The following SLIT3 variants were observed in gnomAD, a reference collection of about 807,000 sequenced individuals.
SLIT3 encodes slit guidance ligand 3.
Under a neutral mutation model 184.0 loss-of-function variants are expected in SLIT3, and 68 were observed. The ratio of observed to expected loss-of-function variants is 0.37; its 90% CI spans 0.30 to 0.45. SLIT3 has a LOEUF of 0.45. Ranked by LOEUF, SLIT3 falls within the 20% of genes least tolerant of loss-of-function variation. The probability of loss-of-function intolerance (pLI) is 1.00; values close to 1 mark genes in which losing one functional copy is unlikely to be tolerated. For synonymous variants in SLIT3, 831 were observed against 828.6 expected (o/e 1.00, Z -0.05); for missense variants, 1,707 against 2,026.0 (o/e 0.84, Z 3.02).
intron 5 of SLIT3, among the ~76,000 whole-genome samples, chr5:168,847,538 A>G (rs1758514530): frequency 6.6e-6 from 1 of 152,240 alleles, no homozygotes; most frequent in South Asian, 2.1e-4. Context: ...AAAAAGCCCA[A>G]TTAATTGTCC....
intron 12 of SLIT3, among the ~76,000 whole-genome samples, chr5:168,777,748 AAAT>A (rs927103874): frequency 6.6e-6 from 1 of 152,050 alleles, no homozygotes; most frequent in Non-Finnish European, 1.5e-5. Flanking sequence ...GGGAGAGATA[AAAT>A]TAAGCTGCTT....
At chr5:169,140,732 C>T (rs1163154625) in intron 4 of SLIT3, among the ~76,000 whole-genome samples, 1 of 152,030 alleles carries the variant, frequency 6.6e-6, no homozygotes, top group Non-Finnish European at 1.5e-5. Flanking sequence ...TCCAGAAGGT[C>T]TAGGCTGCAG....
At chr5:168,950,959 G>T (rs544870796) in intron 4 of SLIT3, among the ~76,000 whole-genome samples, 12 of 152,218 alleles carry the variant, frequency 7.9e-5, no homozygotes, top group Non-Finnish European at 1.6e-4. Flanking sequence ...AGTGGCTCAT[G>T]CCTGTAATCC....
At chr5:168,968,258 A>G (rs1561579911) in intron 4 of SLIT3, among the ~76,000 whole-genome samples, 1 of 151,624 alleles carries the variant, frequency 6.6e-6, no homozygotes. Flanking sequence ...CTTAATCATT[A>G]CTCTTCTTGG....
intron 5 of SLIT3, among the ~76,000 whole-genome samples, chr5:168,857,721 A>G (rs1758938537): frequency 6.6e-6 from 1 of 152,184 alleles, no homozygotes; most frequent in Non-Finnish European, 1.5e-5. Context: ...TCCGGTTTTG[A>G]ACAGTTAAGA....
intron 1 of SLIT3, among the ~76,000 whole-genome samples, chr5:169,260,912 A>G (rs1268854259): frequency 6.6e-6 from 1 of 152,182 alleles, no homozygotes; most frequent in Non-Finnish European, 1.5e-5. Flanking sequence ...TAGGTTGGCA[A>G]CCTTTTTCTT....
chr5:168,830,421 G>A (rs557658325), intron 6 of SLIT3, among the ~76,000 whole-genome samples: 3 of 152,260 alleles, frequency 2.0e-5, no homozygotes, highest in East Asian at 1.9e-4. Context: ...GAATAAGAAC[G>A]ATGCAATAAA....
chr5:168,868,747 CAA>C (rs375837097), intron 5 of SLIT3, among the ~76,000 whole-genome samples: 10 of 69,298 alleles, frequency 1.4e-4, no homozygotes, highest in Non-Finnish European at 1.7e-4. Context: ...GAATCTGCCT[CAA>C]AAAAAAAAAA....
intron 4 of SLIT3, among the ~76,000 whole-genome samples, chr5:169,033,528 A>G (rs189047875): frequency 4.6e-5 from 7 of 152,198 alleles, no homozygotes; most frequent in African/African-American, 1.4e-4. Context: ...ACTATTTTAC[A>G]TAACAGCTGG....
chr5:168,908,471 G>A (rs957000184), intron 4 of SLIT3, among the ~76,000 whole-genome samples: 8 of 152,092 alleles, frequency 5.3e-5, no homozygotes, highest in African/African-American at 1.7e-4. Flanking sequence ...TGGAGAGGAC[G>A]GGAGACACTG....
chr5:168,838,855 G>C (rs1057463203), intron 6 of SLIT3, among the ~76,000 whole-genome samples: 1 of 152,098 alleles, frequency 6.6e-6, no homozygotes, highest in South Asian at 2.1e-4. Flanking sequence ...CTAAAAATCT[G>C]GTTAGTTCTG....
At chr5:169,265,958 TC>T (rs1172636058) in intron 1 of SLIT3, among the ~76,000 whole-genome samples, 23 of 152,302 alleles carry the variant, frequency 1.5e-4, no homozygotes, top group Non-Finnish European at 2.5e-4. Flanking sequence ...TTCCTTCCTG[TC>T]ACACAGAGGA....
intron 23 of SLIT3, among the ~76,000 whole-genome samples, chr5:168,721,886 C>T (rs1456925757): frequency 6.6e-6 from 1 of 152,120 alleles, no homozygotes; most frequent in African/African-American, 2.4e-5. Context: ...CAACTGTCAA[C>T]AGAATGATCA....
intron 22 of SLIT3, among the ~76,000 whole-genome samples, 168 bp downstream of exon 22, chr5:168,722,765 T>G (rs554605350): frequency 1.3e-5 from 2 of 152,222 alleles, no homozygotes; most frequent in Non-Finnish European, 2.9e-5. Context: ...GTGGAGGGCT[T>G]CCTACTTTAT....
intron 4 of SLIT3, among the ~76,000 whole-genome samples, chr5:169,111,738 G>A (rs1760416261): frequency 6.6e-6 from 1 of 152,170 alleles, no homozygotes. Context: ...GACAACAAGA[G>A]CAAAAACTCT....
At chr5:169,000,937 G>A (rs554627482) in intron 4 of SLIT3, among the ~76,000 whole-genome samples, 7 of 152,150 alleles carry the variant, frequency 4.6e-5, no homozygotes, top group African/African-American at 1.2e-4. Flanking sequence ...TTTGAGTTGC[G>A]TCGGAAAGCT....
chr5:169,206,433 G>C (rs1764069674), intron 3 of SLIT3, among the ~76,000 whole-genome samples: 1 of 152,174 alleles, frequency 6.6e-6, no homozygotes. Flanking sequence ...TCGACTCACA[G>C]GTAGGAAACT....
At chr5:168,913,577 G>A (rs1425326419) in intron 4 of SLIT3, among the ~76,000 whole-genome samples, 1 of 151,976 alleles carries the variant, frequency 6.6e-6, no homozygotes, top group Admixed American at 6.6e-5. Flanking sequence ...AGACCAGCCT[G>A]GCCAACGTGG....
chr5:169,173,440 T>C (rs1321910330), intron 4 of SLIT3, among the ~76,000 whole-genome samples: 1 of 152,152 alleles, frequency 6.6e-6, no homozygotes, highest in Non-Finnish European at 1.5e-5. Context: ...AGGTGAAATC[T>C]AGAATTCCAT....
Sources: gnomAD v4.1 joint callset for allele counts (sites outside exome capture counted in the v4.1 genomes callset) on GRCh38, gnomAD v4.1.1 for gene constraint, MANE v1.5 for transcripts, NCBI Gene and HGNC (gene_info 2026-07-23, HGNC 2026-07-21) for gene names.